Variants in PALLD observed in about 807,000 individuals in gnomAD.
The protein encoded by PALLD is palladin.
Under a neutral mutation model 123.5 loss-of-function variants are expected in PALLD, and 61 were observed. The observed-to-expected ratio is 0.49, with a 90% confidence interval of 0.40 to 0.61. PALLD has a LOEUF of 0.61. Among genes scored for constraint, PALLD ranks in the 20% least tolerant of loss-of-function variants. The pLI, the probability that PALLD is intolerant of heterozygous loss-of-function variation, is 0.00. For synonymous variants in PALLD, 465 were observed against 496.4 expected, an observed-to-expected ratio of 0.94 and a Z score of 0.84; for missense variants, 1,273 against 1,377.0, an observed-to-expected ratio of 0.92 and a Z score of 1.20.
At chr4:168,733,911 A>T (rs569889629) in intron 10 of PALLD, among the ~76,000 whole-genome samples, 1 of 151,948 alleles carries the variant, frequency 6.6e-6, no homozygotes, top group Non-Finnish European at 1.5e-5. Context: ...ATTTTTTTGT[A>T]TTTTTAGTAG....
At chr4:168,761,653 T>TTTTTTG (rs1732909749) in intron 10 of PALLD, among the ~76,000 whole-genome samples, 1 of 37,544 alleles carries the variant, frequency 2.7e-5, no homozygotes, top group African/African-American at 1.2e-4. Flanking sequence ...TTGTTTTTTT[T>TTTTTTG]TTTTTTTTTT....
intron 2 of PALLD, among the ~76,000 whole-genome samples, chr4:168,635,793 G>A (rs931784155): frequency 4.6e-5 from 7 of 152,142 alleles, no homozygotes; most frequent in Non-Finnish European, 7.4e-5. Flanking sequence ...CTGGATTCCC[G>A]CAGTTTGAGT....
chr4:168,627,379 G>A (rs187289625), intron 2 of PALLD, among the ~76,000 whole-genome samples: 4 of 152,200 alleles, frequency 2.6e-5, no homozygotes, highest in East Asian at 1.9e-4. Context: ...GCATGGTGGC[G>A]TGCACCTGTA....
chr4:168,545,810 A>G (rs1218631496), intron 2 of PALLD, among the ~76,000 whole-genome samples: 3 of 152,210 alleles, frequency 2.0e-5, no homozygotes, highest in Non-Finnish European at 4.4e-5. Flanking sequence ...TCAATATATA[A>G]TATCCACTTC....
intron 2 of PALLD, among the ~76,000 whole-genome samples, chr4:168,586,730 G>C (rs1391894089): frequency 6.6e-6 from 1 of 152,070 alleles, no homozygotes; most frequent in Non-Finnish European, 1.5e-5. Flanking sequence ...GGGCACTCTG[G>C]ACATCCATGG....
At chr4:168,770,167 A>T in intron 10 of PALLD, among the ~76,000 whole-genome samples, 1 of 152,200 alleles carries the variant, frequency 6.6e-6, no homozygotes. Context: ...CACTAGCAAC[A>T]TCTACTCTGG....
In PALLD at chr4:168,709,009, C is replaced by G; in HGVS notation, c.1502-19C>G. 6.2e-7 allele frequency: 1 copy of G among 1,612,296 alleles called. No homozygotes were observed. The highest frequency in any genetic ancestry group is 8.5e-7 in the Non-Finnish European group (1 of 1,178,456). On this transcript the variant is annotated intron_variant, in intron 8 of 21. Transcript: ENST00000505667. ...CATGGTTCAACTCTGATGAATGATT[C>G]TGTTCTCTTCACTTCCAGAGGAGAT...
At chr4:168,675,557 A>T (rs1193557346) in intron 3 of PALLD, among the ~76,000 whole-genome samples, 2 of 152,194 alleles carry the variant, frequency 1.3e-5, no homozygotes, top group Non-Finnish European at 2.9e-5. Context: ...TCTTCGTGTT[A>T]TCTATTTTAA....
At chr4:168,843,491 T>C (rs1021680183) in intron 10 of PALLD, among the ~76,000 whole-genome samples, 2 of 152,212 alleles carry the variant, frequency 1.3e-5, no homozygotes, top group East Asian at 1.9e-4. Flanking sequence ...TCTGTTGATA[T>C]AATGCCGCAG....
chr4:168,843,591 C>A (rs1208614869), intron 10 of PALLD, among the ~76,000 whole-genome samples: 2 of 152,090 alleles, frequency 1.3e-5, no homozygotes, highest in Non-Finnish European at 2.9e-5. Context: ...GTAGTAATTG[C>A]TGTTTCTATT....
intron 10 of PALLD, chr4:168,877,786 G>A (rs1205698165): frequency 5.0e-6 from 6 of 1,210,428 alleles, no homozygotes; most frequent in Admixed American, 8.8e-5. Context: ...CCGGCGCTCG[G>A]CAGCCTCCGC....
At chr4:168,552,010 G>C (rs976300621) in intron 2 of PALLD, among the ~76,000 whole-genome samples, 2 of 152,046 alleles carry the variant, frequency 1.3e-5, no homozygotes, top group Admixed American at 1.3e-4. Context: ...ACTCCACAAG[G>C]GTAAACCTTT....
intron 2 of PALLD, among the ~76,000 whole-genome samples, chr4:168,600,808 A>G (rs1423460009): frequency 6.6e-6 from 1 of 152,176 alleles, no homozygotes; most frequent in Non-Finnish European, 1.5e-5. Flanking sequence ...ACAGGGCACA[A>G]GAGACTAAAA....
chr4:168,742,821 A>T (rs1320609609), intron 10 of PALLD, among the ~76,000 whole-genome samples: 1 of 152,190 alleles, frequency 6.6e-6, no homozygotes, highest in African/African-American at 2.4e-5. Flanking sequence ...TCTGTTTAGC[A>T]CTAAATAAGG....
At position 168,589,004 on chromosome 4, in the gene PALLD, T is replaced by C. The variant is rs72982741; in HGVS notation, c.908+76592T>C. On this transcript the variant is annotated intron_variant, in intron 2 of 21. Transcript: ENST00000505667. ...TTTTTATGTTTGGGTCAAAATGAAC[T>C]TAAGGCCAGGGGTATCTGTAAAACA... 6.2e-3 allele frequency among the ~76,000 whole-genome samples: 948 copies of C among 152,314 alleles called. 9 individuals carry two copies. The highest frequency in any genetic ancestry group is 0.022 in the African/African-American group (904 of 41,570).
chr4:168,522,181 T>C (rs1397696537), intron 2 of PALLD, among the ~76,000 whole-genome samples: 1 of 152,242 alleles, frequency 6.6e-6, no homozygotes, highest in African/African-American at 2.4e-5. Flanking sequence ...CTAGAGTTAA[T>C]TGAAAGTGGT....
chr4:168,512,521 T>C, intron 2 of PALLD, 109 bp downstream of exon 2: 2 of 1,041,866 alleles, frequency 1.9e-6, no homozygotes, highest in South Asian at 2.7e-5. Context: ...GAGACTGAGG[T>C]AGAGTACTTG....
intron 10 of PALLD, among the ~76,000 whole-genome samples, chr4:168,729,818 C>A (rs1786973911): frequency 6.6e-6 from 1 of 152,186 alleles, no homozygotes; most frequent in African/African-American, 2.4e-5. Flanking sequence ...TTATTCTAGC[C>A]TCACACTAAA....
At chr4:168,685,807 A>G (rs1300881585) in intron 6 of PALLD, among the ~76,000 whole-genome samples, 2 of 104,614 alleles carry the variant, frequency 1.9e-5, no homozygotes, top group Non-Finnish European at 3.9e-5. Context: ...GCCAAGACAG[A>G]TAGAAAAAAA....
Sources: gnomAD v4.1 joint callset for allele counts (sites outside exome capture counted in the v4.1 genomes callset) on GRCh38, gnomAD v4.1.1 for gene constraint, MANE v1.5 for transcripts, NCBI Gene and HGNC (gene_info 2026-07-23, HGNC 2026-07-21) for gene names.